The following XPO1 variants were observed in gnomAD, a reference collection of about 807,000 sequenced individuals.
XPO1 encodes the protein exportin-1.
Under a neutral mutation model 133.3 loss-of-function variants are expected in XPO1, and 5 were observed. The ratio of observed to expected loss-of-function variants is 0.04; its 90% CI spans 0.02 to 0.08. The LOEUF (loss-of-function observed/expected upper bound fraction) is 0.08, where lower values mean the gene tolerates loss of function less well. XPO1 is among the 10% of genes least tolerant of loss of function. The probability of loss-of-function intolerance (pLI) is 1.00; values close to 1 mark genes in which losing one functional copy is unlikely to be tolerated. For synonymous variants in XPO1, 419 were observed against 408.2 expected, an observed-to-expected ratio of 1.03 and a Z score of -0.32; for missense variants, 506 against 1,267.5, an observed-to-expected ratio of 0.40 and a Z score of 9.12.
At chr2:61,532,490 C>T (rs1457633196) in intron 2 of XPO1, among the ~76,000 whole-genome samples, 3 of 151,942 alleles carry the variant, frequency 2.0e-5, no homozygotes, top group Admixed American at 2.0e-4. Flanking sequence ...CTCCCATCTA[C>T]TAGCTGAACA....
chr2:61,485,669 G>C (rs376000304), intron 20 of XPO1, 99 bp downstream of exon 20: 25 of 1,003,446 alleles, frequency 2.5e-5, no homozygotes, highest in Middle Eastern at 3.3e-4. Flanking sequence ...TAAACTCCAT[G>C]GCATTAAAAT....
In XPO1 at chr2:61,492,003, T is replaced by C. The variant is rs1558638893; in HGVS notation, c.1887+32A>G. 6.2e-7 allele frequency: 1 copy of C among 1,608,692 alleles called. No homozygotes were observed. On this transcript the variant is annotated intron_variant, in intron 16 of 24. Transcript: ENST00000401558. The surrounding 1 kb of genome is among the most constrained non-coding windows in gnomAD (Gnocchi z 5.6). The stretch of plus-strand genomic sequence containing the variant: ...ACAGATTGATACAAGTGTTACTTTC[T>C]AAAAATAACATATGCTCAGTGCTTA...
At chr2:61,520,430 C>T (rs1449665922) in intron 4 of XPO1, among the ~76,000 whole-genome samples, 1 of 151,738 alleles carries the variant, frequency 6.6e-6, no homozygotes, top group Non-Finnish European at 1.5e-5. Context: ...GAGGATTGCT[C>T]AAGCCCAGCA....
intron 10 of XPO1, 148 bp from the exon 11 acceptor site, chr2:61,495,761 T>A: frequency 2.8e-6 from 2 of 709,430 alleles, no homozygotes; most frequent in Non-Finnish European, 4.0e-6. Flanking sequence ...AGCCTCCACC[T>A]CCTAGGCCCA....
At chr2:61,530,841 AT>A (rs915931866) in intron 2 of XPO1, among the ~76,000 whole-genome samples, 2 of 152,018 alleles carry the variant, frequency 1.3e-5, no homozygotes, top group Non-Finnish European at 2.9e-5. Context: ...CAAAAAAAAA[AT>A]TTTTTTAATT....
intron 19 of XPO1, among the ~76,000 whole-genome samples, chr2:61,487,097 C>T (rs1348022196): frequency 1.3e-5 from 2 of 151,962 alleles, no homozygotes; most frequent in Non-Finnish European, 1.5e-5. Flanking sequence ...ATTCTCCTGC[C>T]TCAGCCTCCT....
At chr2:61,520,050 T>G (rs1489024386) in intron 4 of XPO1, among the ~76,000 whole-genome samples, 2 of 152,142 alleles carry the variant, frequency 1.3e-5, no homozygotes, top group African/African-American at 2.4e-5. Flanking sequence ...TACATGTATA[T>G]TTTTATAACC....
At chr2:61,506,976 T>G (rs1472594006) in intron 4 of XPO1, among the ~76,000 whole-genome samples, 1 of 152,044 alleles carries the variant, frequency 6.6e-6, no homozygotes, top group Non-Finnish European at 1.5e-5. Context: ...ACACCTGTAA[T>G]CCCAGCACTT....
intron 2 of XPO1, among the ~76,000 whole-genome samples, chr2:61,527,467 G>GA (rs1698956755): frequency 6.6e-6 from 1 of 152,072 alleles, no homozygotes; most frequent in Admixed American, 6.6e-5. Flanking sequence ...CAGCCTGGGT[G>GA]AAAGAGCAGA....
At chr2:61,490,848 C>G in intron 16 of XPO1, 72 bp from the exon 17 acceptor site, 1 of 1,558,210 alleles carries the variant, frequency 6.4e-7, no homozygotes, top group Non-Finnish European at 8.7e-7. Flanking sequence ...ACAAGCAATT[C>G]ACAAACGTCT....
At chr2:61,488,530 C>A (rs2104386372) in intron 18 of XPO1, 58 bp downstream of exon 18, 1 of 1,509,452 alleles carries the variant, frequency 6.6e-7, no homozygotes, top group Non-Finnish European at 9.0e-7. Context: ...TGACTTAAGG[C>A]AGTAGAAGAG....
At chr2:61,526,554 C>T in intron 2 of XPO1, 33 bp from the exon 3 acceptor site, 1 of 1,492,634 alleles carries the variant, frequency 6.7e-7, no homozygotes, top group Non-Finnish European at 9.0e-7. Flanking sequence ...AAAACTTAAG[C>T]TAATGTATTC....
chr2:61,530,963 T>G (rs1558682186), intron 2 of XPO1, among the ~76,000 whole-genome samples: 1 of 152,160 alleles, frequency 6.6e-6, no homozygotes, highest in Non-Finnish European at 1.5e-5. Flanking sequence ...CTTTTAAACC[T>G]CATAACTAAC....
At chr2:61,511,523 C>T (rs115437948) in intron 4 of XPO1, among the ~76,000 whole-genome samples, 2,536 of 152,014 alleles carry the variant, frequency 0.017, 56 homozygotes, top group African/African-American at 0.056. Flanking sequence ...ATGATTCTCC[C>T]GCCTCAGCCT....
intron 2 of XPO1, among the ~76,000 whole-genome samples, chr2:61,529,866 G>C (rs535870660): frequency 8.7e-4 from 133 of 152,288 alleles, no homozygotes; most frequent in African/African-American, 3.0e-3. Context: ...CACTGTGGTT[G>C]CCTGAAAAGA....
At chr2:61,525,826 G>A (rs556654227) in intron 3 of XPO1, 40 of 1,040,254 alleles carry the variant, frequency 3.8e-5, no homozygotes, top group South Asian at 1.4e-4. Flanking sequence ...GAAACCTTTC[G>A]TGTATTAAAC....
Position 61,478,535 on chromosome 2 carries a change from G to GCCT in XPO1, c.*282_*284dup. On this transcript the variant is annotated 3_prime_UTR_variant, in exon 25 of 25. Coordinates refer to ENST00000401558, the MANE Select transcript of XPO1 (RefSeq NM_003400.4). Reference sequence around the variant, plus strand: ...ACAAGTATATGTTCAAATCGAATTTGCCTCCTCCCCCCAGCCCAGCCACAA... The same window carrying GCCT: ...ACAAGTATATGTTCAAATCGAATTTGCCTCCTCCTCCCCCCAGCCCAGCCACAA... 1 of 346,340 alleles carries GCCT rather than the reference G, an allele frequency of 2.9e-6. No homozygotes were observed. The highest frequency in any genetic ancestry group is 5.2e-6 in the Non-Finnish European group (1 of 192,882). 21.5% of individuals were successfully genotyped at this position (346,340 alleles called of 1,614,324 possible).
intron 16 of XPO1, among the ~76,000 whole-genome samples, chr2:61,491,664 C>T (rs1051862162): frequency 3.9e-5 from 6 of 152,120 alleles, no homozygotes; most frequent in Non-Finnish European, 8.8e-5. Flanking sequence ...GAGGCTGAGG[C>T]AAGCGTATCG....
rs140962837 is a variant in XPO1 at position 61,483,947 on chromosome 2, G to A, written c.2667C>T (p.Val889=). 2.7e-5 allele frequency: 44 copies of A among 1,612,166 alleles called. No homozygotes were observed. Among genetic ancestry groups the A allele is most frequent in the Non-Finnish European group, 3.5e-5 (41 of 1,179,524 alleles). The change falls in exon 21 of 25, where the codon GTC becomes GTT. Residue 889 remains valine (V), a synonymous_variant. Transcript: ENST00000401558. ...ACATCTTTTATTTACCCGTATCTGC[G>A]ACATTCCTCATAGTATGTTTGAAAG... is the stretch of plus-strand genomic sequence containing the variant. The part of the protein sequence containing the change: ...IWAFKHTMRN[V]ADTGLQILFT...
Sources: gnomAD v4.1 joint callset for allele counts (sites outside exome capture counted in the v4.1 genomes callset) on GRCh38, gnomAD v4.1.1 for gene constraint, Gnocchi (gnomAD v3.1) non-coding constraint, MANE v1.5 for transcripts, NCBI Gene and HGNC (gene_info 2026-07-23, HGNC 2026-07-21) for gene names.